The following DERL1 variants were observed in gnomAD, a reference collection of about 807,000 sequenced individuals.
DERL1 encodes derlin 1.
In DERL1, 24 loss-of-function variants were observed where a neutral mutation model predicts 41.6. The observed-to-expected ratio is 0.58, with a 90% CI of 0.42 to 0.81. The LOEUF (loss-of-function observed/expected upper bound fraction) is 0.81, where lower values mean the gene tolerates loss of function less well. Ranked by LOEUF, DERL1 falls within the 30% of genes least tolerant of loss-of-function variation. The pLI is 0.00. For missense variants in DERL1, 260 were observed against 314.3 expected (o/e 0.83, Z 1.31); for synonymous variants, 124 against 112.5 (o/e 1.10, Z -0.65).
Position 123,042,056 on chromosome 8 carries a change from C to CGGTGGCGGCGAACCAAT in DERL1, c.50_66dup (p.Val23IlefsTer94). ...AGTTTGCCGACCAAGGGCACGGCGA[C>CGGTGGCGGCGAACCAAT]GGTGGCGGCGAACCAATAGCGCGTG... On this transcript the variant is annotated frameshift_variant, in exon 1 of 8. Transcript: ENST00000259512. LOFTEE classifies it high-confidence loss of function. The CGGTGGCGGCGAACCAAT allele has an allele frequency of 6.2e-7, 1 of 1,613,866 alleles. No individual in the cohort carries two copies. Among genetic ancestry groups the CGGTGGCGGCGAACCAAT allele is most frequent in the Admixed American group, 1.7e-5 (1 of 60,016 alleles).
At chr8:123,041,764 G>C (rs529226680) in intron 1 of DERL1, among the ~76,000 whole-genome samples, 180 of 152,256 alleles carry the variant, frequency 1.2e-3, no homozygotes, top group African/African-American at 4.2e-3. Context: ...TCCCCACCAG[G>C]CCAGCCCACA....
At chr8:123,029,719 T>C (rs1038979487) in intron 2 of DERL1, among the ~76,000 whole-genome samples, 5 of 152,166 alleles carry the variant, frequency 3.3e-5, no homozygotes, top group Non-Finnish European at 7.3e-5. Context: ...TAAATGACAA[T>C]TCAGTAAGAC....
Position 123,015,360 on chromosome 8 carries a change from C to T in DERL1, c.*87G>A, listed in dbSNP as rs1814531076. On this transcript the variant is annotated 3_prime_UTR_variant, in exon 8 of 8. Transcript: ENST00000259512. ...TACATTCAGTGTGGGTCAGGTCCAACAGTGTTAGCCAGAACGCAGTTGTTA... is the reference window on the plus strand; with the variant it reads ...TACATTCAGTGTGGGTCAGGTCCAATAGTGTTAGCCAGAACGCAGTTGTTA... The T allele has an allele frequency of 2.6e-6, 4 of 1,514,476 alleles. No homozygotes were observed. The highest frequency in any genetic ancestry group is 2.8e-5 in the African/African-American group (2 of 72,684). 93.8% of individuals were successfully genotyped at this position (1,514,476 alleles called of 1,614,324 possible).
rs1813089575 is a variant in DERL1 at position 123,042,012 on chromosome 8, G to A, written c.111C>T (p.Ala37=). 5 of 1,613,782 alleles carry A rather than the reference G, an allele frequency of 3.1e-6. No homozygotes were observed. In the African/African-American group the frequency reaches 5.3e-5, roughly 17 times the overall value. ...LVGKLGLISP[A]YLFLWPEAFL... ...AGGCTTCGGGCCAGAGGAAGAGGTA[G>A]GCCGGGCTGATGAGGCCGAGTTTGC... Residue 37 remains alanine (A), a synonymous_variant, in exon 1 of 8, where the codon GCC becomes GCT. Transcript: ENST00000259512.
chr8:123,037,758 A>G (rs998126189), intron 1 of DERL1, among the ~76,000 whole-genome samples: 1 of 152,198 alleles, frequency 6.6e-6, no homozygotes, highest in Non-Finnish European at 1.5e-5. Context: ...TGTCTACAAA[A>G]TGGGGGTAAC....
Position 123,024,988 on chromosome 8 carries a change from C to A in DERL1, c.328G>T (p.Val110Leu). The change falls in exon 3 of 8, where the codon GTG becomes TTG. Residue 110 changes from valine (V) to leucine (L), a missense_variant and splice_region_variant. Physicochemically the swap from Val to Leu is conservative, Grantham distance 32 (BLOSUM62 1). Coordinates refer to ENST00000259512, the MANE Select transcript of DERL1 (RefSeq NM_024295.6). The stretch of plus-strand genomic sequence containing the variant: ...CAAAATCACAGACTGAAGGATACCA[C>A]GATGCAAATCCAGTTAAAGAGGAGC... ...FMLLFNWICI[V>L]ITGLAMDMQL... is the part of the protein sequence containing the mutation. The A allele has an allele frequency of 6.2e-7, 1 of 1,613,394 alleles. No homozygotes were observed.
At chr8:123,020,575 C>T (rs1198233778) in intron 6 of DERL1, among the ~76,000 whole-genome samples, 1 of 151,980 alleles carries the variant, frequency 6.6e-6, no homozygotes, top group Non-Finnish European at 1.5e-5. Flanking sequence ...AAAATTCTGA[C>T]TGGATAAATT....
At chr8:123,030,076 TA>T (rs201248685) in intron 2 of DERL1, among the ~76,000 whole-genome samples, 20 of 151,808 alleles carry the variant, frequency 1.3e-4, no homozygotes, top group South Asian at 4.2e-4. Flanking sequence ...AATAAATAAA[TA>T]AAATAAAATA....
intron 2 of DERL1, among the ~76,000 whole-genome samples, chr8:123,028,290 G>A (rs1255015843): frequency 6.6e-6 from 1 of 152,106 alleles, no homozygotes; most frequent in East Asian, 1.9e-4. Flanking sequence ...ACCATTAGAT[G>A]GTTAAGGAGG....
intron 1 of DERL1, among the ~76,000 whole-genome samples, chr8:123,033,724 C>G (rs915749863): frequency 2.6e-5 from 4 of 152,192 alleles, no homozygotes; most frequent in Admixed American, 6.5e-5. Flanking sequence ...GCCTGGGCAA[C>G]AAGAGCGAAA....
intron 1 of DERL1, among the ~76,000 whole-genome samples, chr8:123,036,644 A>G (rs1812935420): frequency 6.6e-6 from 1 of 152,194 alleles, no homozygotes; most frequent in East Asian, 1.9e-4. Context: ...AATGGGCAAC[A>G]TTATTACAGA....
chr8:123,024,463 G>A (rs1193208699), intron 3 of DERL1, among the ~76,000 whole-genome samples: 1 of 152,132 alleles, frequency 6.6e-6, no homozygotes, highest in African/African-American at 2.4e-5. Context: ...ATCTGTAAGA[G>A]TCCTGCAGTT....
At chr8:123,024,923 A>G (rs1180369741) in intron 3 of DERL1, 63 bp downstream of exon 3, 2 of 1,555,094 alleles carry the variant, frequency 1.3e-6, no homozygotes, top group Admixed American at 1.8e-5. Context: ...AATATGGTCT[A>G]TTTCCCCAAA....
At position 123,015,546 on chromosome 8, in the gene DERL1, T is replaced by C. The variant is rs1259009368; in HGVS notation, c.657A>G (p.Gly219=). 2.5e-6 allele frequency: 4 copies of C among 1,612,058 alleles called. No homozygotes were observed. Among genetic ancestry groups the C allele is most frequent in the African/African-American group, 1.3e-5 (1 of 74,812 alleles). The part of the protein sequence containing the change: ...WLPSRRGGVS[G]FGVPPASMRR... ...TCATGCTAGCAGGGGGCACACCAAA[T>C]CCTGATACTCCTCCTCTCCTACTGG... The change falls in exon 8 of 8, where the codon GGA becomes GGG. Residue 219 remains glycine (G), a synonymous_variant. Coordinates refer to ENST00000259512, the MANE Select transcript of DERL1 (RefSeq NM_024295.6).
intron 4 of DERL1, among the ~76,000 whole-genome samples, 184 bp downstream of exon 4, chr8:123,023,529 T>G (rs1812614015): frequency 6.6e-6 from 1 of 152,130 alleles, no homozygotes; most frequent in Non-Finnish European, 1.5e-5. Context: ...CACTCCAGCC[T>G]GAGCAACACA....
At chr8:123,037,418 G>A (rs1458673474) in intron 1 of DERL1, among the ~76,000 whole-genome samples, 1 of 152,090 alleles carries the variant, frequency 6.6e-6, no homozygotes, top group African/African-American at 2.4e-5. Flanking sequence ...TATAATCAAT[G>A]GAGTCTTAGA....
intron 2 of DERL1, among the ~76,000 whole-genome samples, chr8:123,027,700 T>C (rs1812732941): frequency 6.6e-6 from 1 of 152,154 alleles, no homozygotes; most frequent in South Asian, 2.1e-4. Context: ...TTACAATTTG[T>C]TGTATTACCT....
At chr8:123,030,772 T>A in intron 1 of DERL1, 56 bp from the exon 2 acceptor site, 5 of 1,272,464 alleles carry the variant, frequency 3.9e-6, no homozygotes, top group Middle Eastern at 1.9e-4. Context: ...GTTATTTCTT[T>A]CCCTTCTAAC....
intron 1 of DERL1, among the ~76,000 whole-genome samples, chr8:123,033,142 C>T (rs1008774364): frequency 6.6e-6 from 1 of 152,152 alleles, no homozygotes; most frequent in African/African-American, 2.4e-5. Flanking sequence ...AAATTATAGG[C>T]ATGAGCCACT....
Sources: allele counts gnomAD v4.1 joint callset (sites outside exome capture counted in the v4.1 genomes callset), GRCh38; gene constraint gnomAD v4.1.1; transcripts MANE v1.5; gene names NCBI Gene and HGNC (gene_info 2026-07-23, HGNC 2026-07-21).